Variants in SPIN1 observed in about 807,000 individuals in gnomAD.
The protein encoded by SPIN1 is spindlin-1.
In SPIN1, 3 loss-of-function variants were observed where a neutral mutation model predicts 26.0. The ratio of observed to expected loss-of-function variants is 0.12; its 90% CI spans 0.05 to 0.30. SPIN1 has a LOEUF of 0.30. Ranked by LOEUF, SPIN1 falls within the 10% of genes least tolerant of loss-of-function variation. The pLI, the probability that SPIN1 is intolerant of heterozygous loss-of-function variation, is 1.00. For synonymous variants in SPIN1, 101 were observed against 116.5 expected, an observed-to-expected ratio of 0.87 and a Z score of 0.86; for missense variants, 126 against 333.4, an observed-to-expected ratio of 0.38 and a Z score of 4.84.
At chr9:88,440,083 T>C (rs929197695) in intron 2 of SPIN1, among the ~76,000 whole-genome samples, 14 of 152,100 alleles carry the variant, frequency 9.2e-5, no homozygotes, top group African/African-American at 3.1e-4. Flanking sequence ...CCTTCTCTGG[T>C]TTTAATTGAG....
chr9:88,399,891 A>G (rs1827150241), intron 1 of SPIN1, among the ~76,000 whole-genome samples: 1 of 152,182 alleles, frequency 6.6e-6, no homozygotes, highest in Admixed American at 6.5e-5. Flanking sequence ...TGACTGCTCT[A>G]AAAATGCAAA....
At chr9:88,435,719 G>A (rs1168356070) in intron 2 of SPIN1, among the ~76,000 whole-genome samples, 2 of 151,988 alleles carry the variant, frequency 1.3e-5, no homozygotes, top group Non-Finnish European at 2.9e-5. Context: ...CTGTGATAGG[G>A]GTCATTTACC....
At chr9:88,472,495 T>G (rs923819647) in intron 5 of SPIN1, among the ~76,000 whole-genome samples, 1 of 151,724 alleles carries the variant, frequency 6.6e-6, no homozygotes, top group Non-Finnish European at 1.5e-5. Context: ...TGGCCACTTT[T>G]TATTTATTTA....
chr9:88,408,327 C>G (rs1389254446), intron 1 of SPIN1, among the ~76,000 whole-genome samples: 1 of 148,526 alleles, frequency 6.7e-6, no homozygotes, highest in Non-Finnish European at 1.5e-5. Context: ...TTACCCTTGT[C>G]ATGCTTCATC....
At chr9:88,427,294 A>G (rs1042767269) in intron 2 of SPIN1, among the ~76,000 whole-genome samples, 4 of 152,214 alleles carry the variant, frequency 2.6e-5, no homozygotes, top group South Asian at 2.1e-4. Context: ...TAAGTGATTT[A>G]GAACAATTTC....
chr9:88,459,647 G>A (rs1162099725), intron 3 of SPIN1, among the ~76,000 whole-genome samples: 2 of 152,020 alleles, frequency 1.3e-5, no homozygotes, highest in Non-Finnish European at 1.5e-5. Context: ...AACAGATAAC[G>A]GTTACACACT....
intron 1 of SPIN1, among the ~76,000 whole-genome samples, chr9:88,398,300 G>A (rs953516556): frequency 2.0e-5 from 3 of 152,060 alleles, no homozygotes; most frequent in African/African-American, 2.4e-5. Context: ...AGTCCTCTTG[G>A]TGCTTATCAG....
intron 5 of SPIN1, among the ~76,000 whole-genome samples, chr9:88,472,788 T>C: frequency 6.6e-6 from 1 of 152,236 alleles, no homozygotes; most frequent in Non-Finnish European, 1.5e-5. Flanking sequence ...TGCGTCCGGC[T>C]CCACATTTCT....
chr9:88,446,212 C>T (rs1828247918), intron 2 of SPIN1, among the ~76,000 whole-genome samples: 1 of 151,994 alleles, frequency 6.6e-6, no homozygotes, highest in African/African-American at 2.4e-5. Context: ...TTAATTCACT[C>T]TTTTAGAATT....
At chr9:88,421,122 G>A (rs995067280) in intron 1 of SPIN1, among the ~76,000 whole-genome samples, 2 of 144,618 alleles carry the variant, frequency 1.4e-5, no homozygotes, top group African/African-American at 5.5e-5. Context: ...ATTATTTGAA[G>A]TTAACTTACA....
intron 1 of SPIN1, among the ~76,000 whole-genome samples, chr9:88,422,137 A>G (rs375746221): frequency 1.3e-5 from 2 of 152,256 alleles, no homozygotes; most frequent in East Asian, 3.9e-4. Flanking sequence ...ATACCGTACA[A>G]TTATTGTTCT....
At chr9:88,437,561 G>A (rs191363372) in intron 2 of SPIN1, among the ~76,000 whole-genome samples, 47 of 152,042 alleles carry the variant, frequency 3.1e-4, no homozygotes, top group Admixed American at 1.1e-3. Flanking sequence ...ATATCTGTGT[G>A]CAGATTTTTG....
At chr9:88,430,206 C>T (rs1378654615) in intron 2 of SPIN1, among the ~76,000 whole-genome samples, 7 of 152,190 alleles carry the variant, frequency 4.6e-5, no homozygotes, top group African/African-American at 1.7e-4. Context: ...TTCAGCTATG[C>T]CCTCAGGCAG....
At chr9:88,465,967 A>G (rs572572539) in intron 4 of SPIN1, among the ~76,000 whole-genome samples, 2 of 152,344 alleles carry the variant, frequency 1.3e-5, no homozygotes, top group East Asian at 3.9e-4. Context: ...AGATTTGCAA[A>G]AATGTAAAAT....
chr9:88,405,432 T>A (rs1827276943), intron 1 of SPIN1, among the ~76,000 whole-genome samples: 1 of 151,992 alleles, frequency 6.6e-6, no homozygotes, highest in South Asian at 2.1e-4. Flanking sequence ...TTTCACCATG[T>A]TGGTCAGGCT....
At chr9:88,428,631 T>G (rs558462818) in intron 2 of SPIN1, among the ~76,000 whole-genome samples, 1 of 152,350 alleles carries the variant, frequency 6.6e-6, no homozygotes, top group South Asian at 2.1e-4. Flanking sequence ...CTGAAGGAAC[T>G]AAACCAAAAG....
intron 1 of SPIN1, among the ~76,000 whole-genome samples, chr9:88,398,963 G>A (rs765061822): frequency 3.9e-5 from 6 of 151,986 alleles, no homozygotes; most frequent in Non-Finnish European, 8.8e-5. Context: ...TATGGGATAT[G>A]TGTGTGTATG....
At chr9:88,399,417 G>A (rs1827140034) in intron 1 of SPIN1, among the ~76,000 whole-genome samples, 1 of 152,178 alleles carries the variant, frequency 6.6e-6, no homozygotes. Context: ...AAAGGAAGAT[G>A]GATGTAAAGT....
intron 1 of SPIN1, among the ~76,000 whole-genome samples, chr9:88,425,404 G>A (rs1827745104): frequency 6.6e-6 from 1 of 152,122 alleles, no homozygotes; most frequent in Non-Finnish European, 1.5e-5. Context: ...TTCTGGCAGG[G>A]TGCAGTGGCT....
Sources: allele counts gnomAD v4.1 joint callset (sites outside exome capture counted in the v4.1 genomes callset), GRCh38; gene constraint gnomAD v4.1.1; transcripts MANE v1.5; gene names NCBI Gene and HGNC (gene_info 2026-07-23, HGNC 2026-07-21).